Variants in TMEM182 observed in about 807,000 individuals in gnomAD.
TMEM182 encodes transmembrane protein 182.
Under a neutral mutation model 26.8 loss-of-function variants are expected in TMEM182, and 20 were observed. The observed-to-expected ratio is 0.75, with a 90% CI of 0.53 to 1.09. The LOEUF (loss-of-function observed/expected upper bound fraction) is 1.09, where lower values mean the gene tolerates loss of function less well. TMEM182 is among the 50% of genes least tolerant of loss of function. The pLI is 0.00. For synonymous variants in TMEM182, 109 were observed against 102.2 expected (o/e 1.07, Z -0.40); for missense variants, 277 against 275.5 (o/e 1.01, Z -0.04).
At chr2:102,774,059 G>A (rs1193466401) in intron 3 of TMEM182, among the ~76,000 whole-genome samples, 1 of 151,902 alleles carries the variant, frequency 6.6e-6, no homozygotes, top group Non-Finnish European at 1.5e-5. Context: ...GAACTCATAT[G>A]TTACCATCAC....
At chr2:102,767,486 T>C (rs12328682) in intron 3 of TMEM182, among the ~76,000 whole-genome samples, 5,956 of 152,284 alleles carry the variant, frequency 0.039, 374 homozygotes, top group African/African-American at 0.13. Flanking sequence ...GGCAACGATG[T>C]ACTGAACATA....
chr2:102,786,350 G>A (rs1249119749), intron 3 of TMEM182, among the ~76,000 whole-genome samples: 1 of 151,938 alleles, frequency 6.6e-6, no homozygotes, highest in East Asian at 1.9e-4. Context: ...GAGTACCTGG[G>A]ATTACAGGCG....
In TMEM182 at chr2:102,815,553, T is replaced by C. The variant is rs545797770; in HGVS notation, c.*585T>C. 65 of 985,496 alleles carry C rather than the reference T, an allele frequency of 6.6e-5. No individual in the cohort carries two copies. Among genetic ancestry groups the C allele is most frequent in the Admixed American group, 6.1e-4 (10 of 16,292 alleles). The allele number at this position is 985,496 out of a possible 1,614,324, so 61.0% of individuals were successfully genotyped here. On this transcript the variant is annotated 3_prime_UTR_variant, in exon 5 of 5. Transcript: ENST00000412401. ...AAACAAGACTGAGAGCATGTACTTA[T>C]CTTGCTTTTTCACCAACAGTGGTTT...
chr2:102,772,248 T>G (rs1226738745), intron 3 of TMEM182, among the ~76,000 whole-genome samples: 1 of 152,200 alleles, frequency 6.6e-6, no homozygotes, highest in Non-Finnish European at 1.5e-5. Context: ...GGAAAAGCAA[T>G]TATTGAGTGC....
intron 3 of TMEM182, among the ~76,000 whole-genome samples, chr2:102,795,062 T>C (rs1252420783): frequency 6.6e-6 from 1 of 152,198 alleles, no homozygotes; most frequent in Non-Finnish European, 1.5e-5. Context: ...CTCTGTCCTC[T>C]CTCATCCCTG....
chr2:102,775,642 A>G (rs924293885), intron 3 of TMEM182: 25 of 150,266 alleles, frequency 1.7e-4, no homozygotes, highest in Non-Finnish European at 3.1e-4. Context: ...AGAAAACCCC[A>G]TCGTCTCAGC....
intron 3 of TMEM182, among the ~76,000 whole-genome samples, chr2:102,769,837 G>A (rs114285860): frequency 0.015 from 2,274 of 152,248 alleles, 84 homozygotes; most frequent in African/African-American, 0.052. Context: ...TTGGTAAGAT[G>A]GACAGAAATC....
intron 4 of TMEM182, among the ~76,000 whole-genome samples, 154 bp from the exon 5 acceptor site, chr2:102,814,594 A>G (rs1249105502): frequency 1.3e-5 from 2 of 152,220 alleles, no homozygotes; most frequent in African/African-American, 4.8e-5. Flanking sequence ...AGAAATATCT[A>G]TAAAGTACAT....
rs1680254473 is a variant in TMEM182 at position 102,762,519 on chromosome 2, A to G, written c.133-68A>G. ...ATAAAATACATGTCCTTAAAAATTTACTGGCTGTAATGATTTTGATTATAT... is the reference window on the plus strand; with the variant it reads ...ATAAAATACATGTCCTTAAAAATTTGCTGGCTGTAATGATTTTGATTATAT... On this transcript the variant is annotated intron_variant, in intron 1 of 4. Transcript: ENST00000412401. 4.5e-6 allele frequency: 7 copies of G among 1,553,654 alleles called. No homozygotes were observed. The South Asian group carries it at 8.3e-5, about 18-fold the overall frequency.
At chr2:102,810,412 T>C (rs145815530) in intron 4 of TMEM182, among the ~76,000 whole-genome samples, 161 of 152,346 alleles carry the variant, frequency 1.1e-3, no homozygotes, top group African/African-American at 3.6e-3. Flanking sequence ...ACTGTGATTG[T>C]TTCCATAGTG....
intron 4 of TMEM182, among the ~76,000 whole-genome samples, chr2:102,802,719 G>A (rs775720093): frequency 1.2e-4 from 19 of 152,190 alleles, no homozygotes; most frequent in Non-Finnish European, 2.5e-4. Context: ...TAATCCCTGT[G>A]CAAAGCAACA....
intron 3 of TMEM182, among the ~76,000 whole-genome samples, chr2:102,837,433 ATTCTG>A (rs1558796219): frequency 6.6e-6 from 1 of 152,010 alleles, no homozygotes; most frequent in Non-Finnish European, 1.5e-5. Flanking sequence ...TAGGGTGGAG[ATTCTG>A]TTAGAAAATT....
intron 4 of TMEM182, among the ~76,000 whole-genome samples, chr2:102,803,413 A>G (rs75040229): frequency 0.015 from 2,356 of 152,298 alleles, 68 homozygotes; most frequent in African/African-American, 0.053. Context: ...AATCTAGTGT[A>G]GGAAAGGTTA....
intron 4 of TMEM182, 79 bp from the exon 5 acceptor site, chr2:102,814,669 G>A (rs1005601831): frequency 2.9e-5 from 37 of 1,285,216 alleles, no homozygotes; most frequent in South Asian, 1.3e-4. Context: ...CTTGTCATCC[G>A]GTCAATGATT....
intron 3 of TMEM182, among the ~76,000 whole-genome samples, chr2:102,784,551 T>C (rs1370889077): frequency 6.6e-6 from 1 of 152,158 alleles, no homozygotes; most frequent in Non-Finnish European, 1.5e-5. Flanking sequence ...GGGGGGTTTT[T>C]GGGTCTCGCG....
intron 3 of TMEM182, among the ~76,000 whole-genome samples, chr2:102,787,209 T>C (rs1429406879): frequency 6.6e-6 from 1 of 152,244 alleles, no homozygotes; most frequent in Non-Finnish European, 1.5e-5. Flanking sequence ...CAACTTGGAC[T>C]GCTGTAACAA....
At chr2:102,755,723 G>A (rs1354410452) in intron 1 of TMEM182, among the ~76,000 whole-genome samples, 1 of 152,200 alleles carries the variant, frequency 6.6e-6, no homozygotes, top group African/African-American at 2.4e-5. Flanking sequence ...GATGCTATTT[G>A]TAGGGGCCAA....
chr2:102,823,562 T>A (rs1682969110), intron 3 of TMEM182, among the ~76,000 whole-genome samples: 1 of 152,114 alleles, frequency 6.6e-6, no homozygotes, highest in African/African-American at 2.4e-5. Flanking sequence ...CTCAAACTCC[T>A]GACCTCGTGA....
chr2:102,806,163 T>C (rs1323255121), intron 4 of TMEM182, among the ~76,000 whole-genome samples: 1 of 152,202 alleles, frequency 6.6e-6, no homozygotes, highest in Non-Finnish European at 1.5e-5. Context: ...GTATTGGTTT[T>C]TTCACTAAGT....
Sources: gnomAD v4.1 joint callset for allele counts (sites outside exome capture counted in the v4.1 genomes callset) on GRCh38, gnomAD v4.1.1 for gene constraint, MANE v1.5 for transcripts, NCBI Gene and HGNC (gene_info 2026-07-23, HGNC 2026-07-21) for gene names.